POLE: variants seen among roughly 807,000 people sequenced by gnomAD.
POLE encodes DNA polymerase epsilon, catalytic subunit.
In POLE, 188 loss-of-function variants were observed where a neutral mutation model predicts 279.2. That is an observed-to-expected ratio of 0.67 (90% confidence interval 0.60 to 0.76). POLE has a LOEUF of 0.76. Among genes scored for constraint, POLE ranks in the 30% least tolerant of loss-of-function variants. POLE has a pLI of 0.00. For synonymous variants in POLE, 1,214 were observed against 1,172.5 expected (o/e 1.04, Z -0.72); for missense variants, 2,703 against 3,016.7 (o/e 0.90, Z 2.44).
rs918231181 is a variant in POLE at position 132,663,986 on chromosome 12, C to G, written c.2706+18G>C. ...GCCAGGCCAGCCAGAGCTTCAGGAC[C>G]AGAGGCCCCAGACTCACCTTGACCA... On this transcript the variant is annotated intron_variant, in intron 23 of 48. Coordinates refer to ENST00000320574, the MANE Select transcript of POLE (RefSeq NM_006231.4). The G allele has an allele frequency of 1.2e-6, 2 of 1,613,328 alleles. No homozygotes were observed. Among genetic ancestry groups the G allele is most frequent in the African/African-American group, 2.7e-5 (2 of 74,894 alleles).
At chr12:132,657,763 A>T in intron 27 of POLE, 105 bp downstream of exon 27, 1 of 832,766 alleles carries the variant, frequency 1.2e-6, no homozygotes, top group South Asian at 1.5e-5. Flanking sequence ...GAGGAAGTCA[A>T]GAGTGAAGAC....
At position 132,673,248 on chromosome 12, in the gene POLE, A is replaced by G. The variant is rs1014643567; in HGVS notation, c.1389T>C (p.Ala463=). ...TCATGTACAGGTAGTAAGTGGCGAC[A>G]GCATCTGACACAGAATACGTGGCCA... is the stretch of plus-strand genomic sequence containing the variant. ...QTLATYSVSD[A]VATYYLYMKY... The change falls in exon 14 of 49, where the codon GCT becomes GCC. Residue 463 remains alanine (A), a synonymous_variant. Transcript: ENST00000320574. 1.1e-5 allele frequency: 17 copies of G among 1,612,930 alleles called. No homozygotes were observed. The highest frequency in any genetic ancestry group is 1.4e-5 in the Non-Finnish European group (17 of 1,178,978).
Position 132,664,100 on chromosome 12 carries a change from G to T in POLE, c.2610C>A (p.Asn870Lys). ...TGAAGACAAAATTTTCTGGGAAGCTGTTGGGCAGGACGCACCATATACCAT... is the reference window on the plus strand; with the variant it reads ...TGAAGACAAAATTTTCTGGGAAGCTTTTGGGCAGGACGCACCATATACCAT... ...DTDGIWCVLP[N>K]SFPENFVFKT... is the part of the protein sequence containing the mutation. The change falls in exon 23 of 49, where the codon AAC (asparagine) becomes AAA (lysine). Residue 870 changes from asparagine to lysine, a missense_variant. This residue lies in a region of POLE where 101 missense variants were observed against 115.4 expected (regional missense o/e 0.87). Coordinates refer to ENST00000320574, the MANE Select transcript of POLE (RefSeq NM_006231.4). The surrounding 1 kb of genome is among the most constrained non-coding windows in gnomAD (Gnocchi z 5.3). The T allele has an allele frequency of 6.2e-7, 1 of 1,614,214 alleles. No homozygotes were observed. Among genetic ancestry groups the T allele is most frequent in the Non-Finnish European group, 8.5e-7 (1 of 1,180,024 alleles).
chr12:132,663,366 G>A (rs552535482), intron 23 of POLE, among the ~76,000 whole-genome samples: 4 of 152,338 alleles, frequency 2.6e-5, no homozygotes, highest in East Asian at 1.9e-4. Context: ...AAACCAACAC[G>A]ATGCGTGTGA....
intron 9 of POLE, 54 bp downstream of exon 9, chr12:132,676,492 G>T (rs2043054760): frequency 9.1e-7 from 1 of 1,097,338 alleles, no homozygotes. Context: ...GTAGTATGGG[G>T]ACCAGACAAG....
Position 132,636,460 on chromosome 12 carries a change from AAAAAAAAAG to A in POLE, c.5679-445_5679-437del, listed in dbSNP as rs1352120091. On this transcript the variant is annotated intron_variant, in intron 41 of 48. Coordinates refer to ENST00000320574, the MANE Select transcript of POLE (RefSeq NM_006231.4). ...TTTAAGGAAAAAAAAAAAAAAAAAA[AAAAAAAAAG>A]AACAGGCCAGGCACGGTGGCTCACG... is the stretch of plus-strand genomic sequence containing the variant. 2.6e-5 allele frequency among the ~76,000 whole-genome samples: 4 copies of A among 151,346 alleles called. No homozygotes were observed. The East Asian group carries it at 7.8e-4, about 29-fold the overall frequency.
chr12:132,640,318 G>A (rs1259148960), intron 39 of POLE, among the ~76,000 whole-genome samples: 4 of 152,144 alleles, frequency 2.6e-5, no homozygotes. Context: ...GACTGATTTT[G>A]TGCCTTCCCT....
chr12:132,686,528 A>T (rs1052546303), intron 1 of POLE, among the ~76,000 whole-genome samples: 1 of 151,862 alleles, frequency 6.6e-6, no homozygotes, highest in African/African-American at 2.4e-5. Context: ...TGAGGTCAGG[A>T]GTTCGAGACC....
chr12:132,640,791 T>G (rs1026957019), intron 39 of POLE, among the ~76,000 whole-genome samples: 1 of 152,184 alleles, frequency 6.6e-6, no homozygotes, highest in East Asian at 1.9e-4. Flanking sequence ...GAGCGGCAGT[T>G]TGGGTATCTG....
chr12:132,657,069 C>T, intron 29 of POLE, 67 bp downstream of exon 29: 2 of 1,555,866 alleles, frequency 1.3e-6, no homozygotes, highest in African/African-American at 1.4e-5. Context: ...CACAGCAGCG[C>T]AAGAAGCCTG....
rs777844240 is a variant in POLE at position 132,664,003 on chromosome 12, C to A, written c.2706+1G>T. On this transcript the variant is annotated splice_donor_variant, in intron 23 of 48. Coordinates refer to ENST00000320574, the MANE Select transcript of POLE (RefSeq NM_006231.4). LOFTEE classifies it high-confidence loss of function. The surrounding 1 kb of genome is among the most constrained non-coding windows in gnomAD (Gnocchi z 5.3). ...TTCAGGACCAGAGGCCCCAGACTCA[C>A]CTTGACCATGATGTTCAACATGGCG... 1.9e-6 allele frequency: 3 copies of A among 1,613,814 alleles called. No homozygotes were observed. Among genetic ancestry groups the A allele is most frequent in the Non-Finnish European group, 2.5e-6 (3 of 1,180,034 alleles).
chr12:132,665,362 G>T lies in POLE; in HGVS notation c.2408C>A (p.Ser803Ter). The T allele has an allele frequency of 6.2e-7, 1 of 1,613,920 alleles. No individual in the cohort carries two copies. Among genetic ancestry groups the T allele is most frequent in the Non-Finnish European group, 8.5e-7 (1 of 1,180,006 alleles). Residue 803 changes from serine to a stop codon, truncating the protein, a stop_gained, in exon 21 of 49, where the codon TCG (serine) becomes TAG (stop). Coordinates refer to ENST00000320574, the MANE Select transcript of POLE (RefSeq NM_006231.4). LOFTEE classifies it high-confidence loss of function. The part of the protein sequence containing the change: ...RCKNMEVLYD[S>*]LQLAHKCILN... ...GATGCACTTGTGGGCCAGCTGCAGC[G>T]AGTCATACAGCACCTCCATGTTCTT... is the stretch of plus-strand genomic sequence containing the variant.
Position 132,642,301 on chromosome 12 carries a change from C to G in POLE, c.5049G>C (p.Leu1683=), listed in dbSNP as rs1422578074. 1 of 1,604,402 alleles carries G rather than the reference C, an allele frequency of 6.2e-7. No individual in the cohort carries two copies. Among genetic ancestry groups the G allele is most frequent in the Non-Finnish European group, 8.5e-7 (1 of 1,175,244 alleles). ...GGCGGGCTGTAGGGGACAGCCAGAGCAGGTGGTTGTGGCGCTGGAGGTGGC... is the reference window on the plus strand; with the variant it reads ...GGCGGGCTGTAGGGGACAGCCAGAGGAGGTGGTTGTGGCGCTGGAGGTGGC... ...FARHLQRHNH[L]LWLSPTARPD... The change falls in exon 38 of 49, where the codon CTG becomes CTC. Residue 1683 remains leucine (L), a synonymous_variant. Coordinates refer to ENST00000320574, the MANE Select transcript of POLE (RefSeq NM_006231.4).
chr12:132,676,114 C>CA lies in POLE; in HGVS notation c.999dup (p.Val334CysfsTer4), dbSNP rs2043045437. 6.2e-7 allele frequency: 1 copy of CA among 1,608,494 alleles called. No individual in the cohort carries two copies. The highest frequency in any genetic ancestry group is 8.5e-7 in the Non-Finnish European group (1 of 1,177,160). On this transcript the variant is annotated frameshift_variant, in exon 10 of 49. Coordinates refer to ENST00000320574, the MANE Select transcript of POLE (RefSeq NM_006231.4). LOFTEE classifies it high-confidence loss of function. ...CTTACCTCATCGGGTTCATTGAAGA[C>CA]ACAAAAGGGGCCTTCATATTCTGGC... is the stretch of plus-strand genomic sequence containing the variant.
chr12:132,639,430 T>A lies in POLE; in HGVS notation c.5379-132A>T. ...CCAAATCCGTCACTGTCGCCTCCCC[T>A]TCTCACTGTCCCCACCTTAAGTCAC... On this transcript the variant is annotated intron_variant, in intron 39 of 48. Transcript: ENST00000320574. The surrounding 1 kb of genome is among the most constrained non-coding windows in gnomAD (Gnocchi z 4.7). The A allele has an allele frequency of 2.7e-6, 2 of 730,998 alleles. No individual in the cohort carries two copies. Among genetic ancestry groups the A allele is most frequent in the Non-Finnish European group, 4.6e-6 (2 of 439,458 alleles). 45.3% of individuals were successfully genotyped at this position (730,998 alleles called of 1,614,324 possible).
At chr12:132,640,136 C>T (rs2042113738) in intron 39 of POLE, among the ~76,000 whole-genome samples, 1 of 152,192 alleles carries the variant, frequency 6.6e-6, no homozygotes, top group South Asian at 2.1e-4. Flanking sequence ...CTAACACATG[C>T]CTACACCCCA....
At chr12:132,674,684 C>T (rs563045756) in intron 12 of POLE, among the ~76,000 whole-genome samples, 1 of 152,210 alleles carries the variant, frequency 6.6e-6, no homozygotes, top group East Asian at 1.9e-4. Context: ...ACACGCTAAA[C>T]CGGCCCCAGC....
intron 32 of POLE, chr12:132,648,724 C>T (rs1157740562): frequency 2.1e-5 from 11 of 525,618 alleles, no homozygotes; most frequent in East Asian, 9.4e-5. Flanking sequence ...ACAAGCTCAT[C>T]GTGACAAGGA....
At chr12:132,631,946 G>A (rs2138456939) in intron 45 of POLE, among the ~76,000 whole-genome samples, 1 of 152,298 alleles carries the variant, frequency 6.6e-6, no homozygotes, top group Non-Finnish European at 1.5e-5. Context: ...CAGCAGACAG[G>A]CCCCACAAGG....
Sources: allele counts gnomAD v4.1 joint callset (sites outside exome capture counted in the v4.1 genomes callset), GRCh38; gene constraint gnomAD v4.1.1; regional missense constraint gnomAD v4.1.1; non-coding constraint Gnocchi (gnomAD v3.1); transcripts MANE v1.5; gene names NCBI Gene and HGNC (gene_info 2026-07-23, HGNC 2026-07-21).